AP3B2: variants seen among roughly 807,000 people sequenced by gnomAD.
AP3B2 encodes the protein AP-3 complex subunit beta-2.
In AP3B2, 50 loss-of-function variants were observed where a neutral mutation model predicts 126.9. The observed-to-expected ratio is 0.39, with a 90% confidence interval of 0.31 to 0.50. The LOEUF (loss-of-function observed/expected upper bound fraction) is 0.50, where lower values mean the gene tolerates loss of function less well. AP3B2 is among the 20% of genes least tolerant of loss of function. The pLI, the probability that AP3B2 is intolerant of heterozygous loss-of-function variation, is 0.79. For missense variants in AP3B2, 1,177 were observed against 1,426.4 expected, an observed-to-expected ratio of 0.83 and a Z score of 2.82; for synonymous variants, 541 against 565.0, an observed-to-expected ratio of 0.96 and a Z score of 0.60.
intron 1 of AP3B2, among the ~76,000 whole-genome samples, chr15:82,707,445 C>T (rs534476036): frequency 6.4e-4 from 97 of 152,310 alleles, no homozygotes; most frequent in African/African-American, 2.2e-3. Flanking sequence ...CCCCAGAAAA[C>T]TTGTCATCCC....
intron 1 of AP3B2, chr15:82,691,942 C>A: frequency 7.3e-7 from 1 of 1,371,898 alleles, no homozygotes; most frequent in Non-Finnish European, 1.0e-6. Context: ...GATACTCAAC[C>A]ATCCCCACAC....
At position 82,699,845 on chromosome 15, in the gene AP3B2, C is replaced by G. The variant is rs531023471; in HGVS notation, c.113+9749G>C. On this transcript the variant is annotated intron_variant, in intron 1 of 26. Coordinates refer to ENST00000535359, the MANE Select transcript of AP3B2 (RefSeq NM_001278512.2). Reference sequence around the variant, plus strand: ...GCCCCTCTGACCCCAGGCCTCACCACGGCCCCCGGGAGCTGCAGGAATCGC... The same window carrying G: ...GCCCCTCTGACCCCAGGCCTCACCAGGGCCCCCGGGAGCTGCAGGAATCGC... 2.6e-3 allele frequency: 1,052 copies of G among 399,844 alleles called. 5 individuals are homozygous for G. Among genetic ancestry groups the G allele is most frequent in the Non-Finnish European group, 4.0e-3 (901 of 226,734 alleles). The allele number at this position is 399,844 out of a possible 1,614,324, so 24.8% of individuals were successfully genotyped here. A position where few individuals can be genotyped will look rare whatever the true frequency, so the allele number is the denominator to read the frequency against.
chr15:82,693,629 C>G (rs1411337689), intron 1 of AP3B2, among the ~76,000 whole-genome samples: 3 of 147,544 alleles, frequency 2.0e-5, no homozygotes, highest in Non-Finnish European at 1.5e-5. Flanking sequence ...TTTTTAAATA[C>G]AAAAGAAGGA....
chr15:82,664,822 G>A lies in AP3B2; in HGVS notation c.2137+13C>T, dbSNP rs1347838495. Reference sequence around the variant, plus strand: ...GCAGAGCACAGAGGACCCCAGCTCTGCCATCTGCTCACCACTGTCTGCGGA... The same window carrying A: ...GCAGAGCACAGAGGACCCCAGCTCTACCATCTGCTCACCACTGTCTGCGGA... On this transcript the variant is annotated intron_variant, in intron 18 of 26. Transcript: ENST00000535359. The surrounding 1 kb of genome is among the most constrained non-coding windows in gnomAD (Gnocchi z 4.5). 2.6e-6 allele frequency: 4 copies of A among 1,566,838 alleles called. No individual in the cohort carries two copies. The highest frequency in any genetic ancestry group is 3.6e-5 in the Admixed American group (2 of 54,966).
In AP3B2 at chr15:82,680,061, A is replaced by G. The variant is rs1331542901; in HGVS notation, c.1110+114T>C. ...CCCCTGCCCCATCCTCTGCACAGCC[A>G]GGGTATTCCTCCATCTTCCCTTTCC... On this transcript the variant is annotated intron_variant, in intron 9 of 26. Transcript: ENST00000535359. This position sits in a 1 kb window ranked among gnomAD's most constrained non-coding sequence, Gnocchi z 6.1. The G allele has an allele frequency of 8.4e-6, 12 of 1,425,948 alleles. No individual in the cohort carries two copies. The highest frequency in any genetic ancestry group is 9.6e-6 in the Non-Finnish European group (10 of 1,041,998). 88.3% of individuals were successfully genotyped at this position (1,425,948 alleles called of 1,614,324 possible).
In AP3B2 at chr15:82,709,665, G is replaced by A. The variant is rs778170122; in HGVS notation, c.42C>T (p.Ser14=). 21 of 1,509,664 alleles carry A rather than the reference G, an allele frequency of 1.4e-5. 1 individual carries two copies. In the South Asian group the frequency reaches 2.5e-4, roughly 18 times the overall value. The allele number at this position is 1,509,664 out of a possible 1,614,324, so 93.5% of individuals were successfully genotyped here. A position where few individuals can be genotyped will look rare whatever the true frequency, so the allele number is the denominator to read the frequency against. ...CGTACTCGGGCTCCCCGGGGCCAGC[G>A]GAGCCGCCCTTGTCTTCGCTGTAGG... The part of the protein sequence containing the change: ...APAYSEDKGG[S]AGPGEPEYGH... Residue 14 remains serine (S), a synonymous_variant, in exon 1 of 27, where the codon TCC becomes TCT. Coordinates refer to ENST00000535359, the MANE Select transcript of AP3B2 (RefSeq NM_001278512.2).
chr15:82,700,798 A>G (rs1349123132), intron 1 of AP3B2, among the ~76,000 whole-genome samples: 2 of 152,060 alleles, frequency 1.3e-5, no homozygotes, highest in African/African-American at 4.8e-5. Context: ...CGAAAAAGGG[A>G]AAGTCTTTAG....
chr15:82,693,160 A>C (rs1238695911), intron 1 of AP3B2, among the ~76,000 whole-genome samples: 6 of 152,058 alleles, frequency 3.9e-5, no homozygotes, highest in Non-Finnish European at 8.8e-5. Context: ...TAACTTGATA[A>C]ATTACGAACC....
Position 82,664,529 on chromosome 15 carries a change from A to C in AP3B2, c.2138-39T>G, listed in dbSNP as rs1039908276. On this transcript the variant is annotated intron_variant, in intron 18 of 26. Coordinates refer to ENST00000535359, the MANE Select transcript of AP3B2 (RefSeq NM_001278512.2). The surrounding 1 kb of genome is among the most constrained non-coding windows in gnomAD (Gnocchi z 4.5). ...ATATGAGGCCTCCTCCCTCATATGC[A>C]GGCCTCCTTGGGTCTGGAGCAGACA... is the stretch of plus-strand genomic sequence containing the variant. 1.3e-6 allele frequency: 2 copies of C among 1,589,944 alleles called. No homozygotes were observed. The highest frequency in any genetic ancestry group is 1.3e-5 in the African/African-American group (1 of 74,358).
At chr15:82,672,957 C>T (rs1323460764) in intron 14 of AP3B2, among the ~76,000 whole-genome samples, 1 of 152,172 alleles carries the variant, frequency 6.6e-6, no homozygotes, top group African/African-American at 2.4e-5. Flanking sequence ...GGAAGTGGAT[C>T]GTGGCACCAT....
intron 4 of AP3B2, chr15:82,685,194 T>A (rs2048405773): frequency 6.6e-6 from 1 of 152,148 alleles, no homozygotes; most frequent in African/African-American, 2.4e-5. Flanking sequence ...CATATAATAA[T>A]CATTAAAAAG....
chr15:82,698,456 C>T (rs1032062768), intron 1 of AP3B2, among the ~76,000 whole-genome samples: 1 of 151,770 alleles, frequency 6.6e-6, no homozygotes, highest in African/African-American at 2.4e-5. Flanking sequence ...CCCACACCCT[C>T]ATAGAGACAC....
In AP3B2 at chr15:82,663,147, C is replaced by CT; in HGVS notation, c.2583dup (p.Asp862ArgfsTer58). 1 of 1,611,748 alleles carries CT rather than the reference C, an allele frequency of 6.2e-7. No homozygotes were observed. The highest frequency in any genetic ancestry group is 8.5e-7 in the Non-Finnish European group (1 of 1,179,508). On this transcript the variant is annotated frameshift_variant, in exon 22 of 27. Coordinates refer to ENST00000535359, the MANE Select transcript of AP3B2 (RefSeq NM_001278512.2). LOFTEE classifies it high-confidence loss of function. ...CTCACCGACGGTACCAGGGTGGAGT[C>CT]TGTGAGTGTCAGGCCCTCCAGGTCA...
Position 82,681,221 on chromosome 15 carries a change from C to CA in AP3B2, c.522-44dup, listed in dbSNP as rs776906036. On this transcript the variant is annotated intron_variant, in intron 5 of 26. Coordinates refer to ENST00000535359, the MANE Select transcript of AP3B2 (RefSeq NM_001278512.2). This position sits in a 1 kb window ranked among gnomAD's most constrained non-coding sequence, Gnocchi z 4.0. ...GAGGGGAATTTGCCACTCTCAGCCCCAGCCTTCCCAATATCTGTCCAAGCC... is the reference window on the plus strand; with the variant it reads ...GAGGGGAATTTGCCACTCTCAGCCCCAAGCCTTCCCAATATCTGTCCAAGCC... 2.5e-6 allele frequency: 4 copies of CA among 1,583,306 alleles called. No individual in the cohort carries two copies. The South Asian group carries it at 4.6e-5, about 18-fold the overall frequency.
chr15:82,694,132 T>G (rs1266165762), intron 1 of AP3B2, among the ~76,000 whole-genome samples: 1 of 152,150 alleles, frequency 6.6e-6, no homozygotes, highest in South Asian at 2.1e-4. Flanking sequence ...GCCTCCTAAA[T>G]AGCTGAGATT....
intron 23 of AP3B2, 83 bp downstream of exon 23, chr15:82,662,611 G>A: frequency 7.4e-7 from 1 of 1,342,572 alleles, no homozygotes; most frequent in Non-Finnish European, 1.0e-6. Context: ...CCCTGGCCTG[G>A]CACAAGGAGG....
intron 4 of AP3B2, among the ~76,000 whole-genome samples, chr15:82,683,047 G>GC (rs2048368127): frequency 1.3e-5 from 1 of 77,716 alleles, no homozygotes; most frequent in African/African-American, 4.5e-5. Flanking sequence ...TGCACCAGGA[G>GC]TTTTTTTTTT....
chr15:82,693,166 G>A (rs894930165), intron 1 of AP3B2, among the ~76,000 whole-genome samples: 43 of 151,342 alleles, frequency 2.8e-4, no homozygotes, highest in African/African-American at 6.8e-4. Context: ...GATAAATTAC[G>A]AACCAATAAG....
chr15:82,673,313 C>T (rs1406675179), intron 14 of AP3B2, among the ~76,000 whole-genome samples: 1 of 152,158 alleles, frequency 6.6e-6, no homozygotes, highest in Non-Finnish European at 1.5e-5. Context: ...CTCCTGGGTT[C>T]AAGCAATTCT....
Sources: allele counts gnomAD v4.1 joint callset (sites outside exome capture counted in the v4.1 genomes callset), GRCh38; gene constraint gnomAD v4.1.1; non-coding constraint Gnocchi (gnomAD v3.1); transcripts MANE v1.5; gene names NCBI Gene and HGNC (gene_info 2026-07-23, HGNC 2026-07-21).